Variants in PCOLCE2 observed in about 807,000 individuals in gnomAD.
PCOLCE2 encodes the protein procollagen C-proteinase enhancer 2.
Under a neutral mutation model 47.0 loss-of-function variants are expected in PCOLCE2, and 42 were observed. The ratio of observed to expected loss-of-function variants is 0.89; its 90% CI spans 0.70 to 1.16. The LOEUF (loss-of-function observed/expected upper bound fraction) is 1.16. Among genes scored for constraint, PCOLCE2 ranks in the 50% most tolerant of loss-of-function variants. The probability of loss-of-function intolerance (pLI) is 0.00; values close to 1 mark genes in which losing one functional copy is unlikely to be tolerated. For synonymous variants in PCOLCE2, 169 were observed against 191.7 expected, an observed-to-expected ratio of 0.88 and a Z score of 0.98; for missense variants, 500 against 526.1, an observed-to-expected ratio of 0.95 and a Z score of 0.49.
At chr3:142,869,116 C>G (rs1248351049) in intron 2 of PCOLCE2, among the ~76,000 whole-genome samples, 1 of 151,970 alleles carries the variant, frequency 6.6e-6, no homozygotes, top group African/African-American at 2.4e-5. Flanking sequence ...ACGGTGAAAC[C>G]CCATCTCTAC....
Position 142,869,341 on chromosome 3 carries a change from CT to C in PCOLCE2, c.192+18327del, listed in dbSNP as rs374773330. 4.4e-3 allele frequency among the ~76,000 whole-genome samples: 672 copies of C among 151,948 alleles called. 5 individuals carry two copies. The highest frequency in any genetic ancestry group is 0.015 in the African/African-American group (633 of 41,462). ...GACCTTAAGACTGACAAAACAGACT[CT>C]TTGTAGCAATAAGATATCAACATGA... On this transcript the variant is annotated intron_variant, in intron 2 of 8. Transcript: ENST00000295992.
intron 6 of PCOLCE2, 28 bp from the exon 7 acceptor site, chr3:142,823,643 C>T (rs200658466): frequency 1.2e-5 from 16 of 1,332,932 alleles, no homozygotes; most frequent in East Asian, 4.6e-5. Flanking sequence ...ATAAGTTTCA[C>T]GAAAAATGAA....
chr3:142,846,057 G>A (rs1018028673), intron 3 of PCOLCE2, among the ~76,000 whole-genome samples: 1 of 152,140 alleles, frequency 6.6e-6, no homozygotes, highest in Non-Finnish European at 1.5e-5. Flanking sequence ...CTCTTCTTCT[G>A]TATGGAATTT....
chr3:142,879,793 C>A (rs1246258200), intron 2 of PCOLCE2, among the ~76,000 whole-genome samples: 1 of 151,432 alleles, frequency 6.6e-6, no homozygotes, highest in Non-Finnish European at 1.5e-5. Context: ...CACGGTGAAA[C>A]CCCGCCTCTA....
intron 3 of PCOLCE2, among the ~76,000 whole-genome samples, chr3:142,845,054 ATCT>A (rs1254307491): frequency 2.0e-5 from 3 of 152,074 alleles, no homozygotes; most frequent in Non-Finnish European, 4.4e-5. Context: ...ATATTTATTG[ATCT>A]TCTTGGATTT....
At chr3:142,863,096 CAAAAAAAAAAA>C (rs35383176) in intron 2 of PCOLCE2, among the ~76,000 whole-genome samples, 3 of 85,992 alleles carry the variant, frequency 3.5e-5, no homozygotes, top group Non-Finnish European at 4.5e-5. Context: ...GTCTGGCAGG[CAAAAAAAAAAA>C]AAAAAAAAAA....
At chr3:142,834,078 T>C (rs1462897956) in intron 5 of PCOLCE2, among the ~76,000 whole-genome samples, 1 of 152,220 alleles carries the variant, frequency 6.6e-6, no homozygotes, top group East Asian at 1.9e-4. Context: ...GACTGATGGT[T>C]CTCTGTGACG....
chr3:142,879,787 G>A (rs762101489), intron 2 of PCOLCE2, among the ~76,000 whole-genome samples: 4 of 151,640 alleles, frequency 2.6e-5, no homozygotes, highest in Non-Finnish European at 5.9e-5. Context: ...GGCTAACACG[G>A]TGAAACCCCG....
chr3:142,833,020 C>T (rs1937167923), intron 5 of PCOLCE2, among the ~76,000 whole-genome samples: 1 of 152,222 alleles, frequency 6.6e-6, no homozygotes, highest in Admixed American at 6.5e-5. Flanking sequence ...GGCTGCCCCT[C>T]CTCCACCCTC....
At chr3:142,860,076 A>G (rs1309343459) in intron 2 of PCOLCE2, among the ~76,000 whole-genome samples, 3 of 152,250 alleles carry the variant, frequency 2.0e-5, no homozygotes, top group Non-Finnish European at 4.4e-5. Context: ...TGCATAGTTT[A>G]CAATATAAAA....
chr3:142,848,656 T>C lies in PCOLCE2; in HGVS notation c.193-184A>G, dbSNP rs191367407. On this transcript the variant is annotated intron_variant, in intron 2 of 8. Transcript: ENST00000295992. ...CATTCCTAAAAAATTTAAGTACTTA[T>C]TTTCTTTTGACAAATTCTGCAATTC... Among the ~76,000 whole-genome samples the C allele has an allele frequency of 2.0e-3, 311 of 152,314 alleles. 1 individual carries two copies. The highest frequency in any genetic ancestry group is 7.1e-3 in the African/African-American group (296 of 41,576).
intron 2 of PCOLCE2, among the ~76,000 whole-genome samples, chr3:142,849,580 G>T (rs749041462): frequency 6.6e-6 from 1 of 152,024 alleles, no homozygotes; most frequent in African/African-American, 2.4e-5. Flanking sequence ...GGATTCTCAG[G>T]TTACCAAAGC....
At chr3:142,888,452 A>C (rs951150338) in intron 1 of PCOLCE2, among the ~76,000 whole-genome samples, 3 of 152,220 alleles carry the variant, frequency 2.0e-5, no homozygotes, top group African/African-American at 7.2e-5. Context: ...GAAGGAAAAA[A>C]AACAGCGGTA....
chr3:142,863,111 A>G (rs1933213201), intron 2 of PCOLCE2, among the ~76,000 whole-genome samples: 1 of 151,588 alleles, frequency 6.6e-6, no homozygotes, highest in South Asian at 2.1e-4. Flanking sequence ...AAAAAAAAAA[A>G]AAAAAAAAGA....
intron 2 of PCOLCE2, among the ~76,000 whole-genome samples, chr3:142,854,994 T>C (rs1249814492): frequency 2.0e-5 from 3 of 152,210 alleles, no homozygotes; most frequent in African/African-American, 7.2e-5. Context: ...CATGCCACTT[T>C]TCTGTTCAAG....
At chr3:142,828,743 G>A (rs1297797628) in intron 6 of PCOLCE2, among the ~76,000 whole-genome samples, 1 of 152,216 alleles carries the variant, frequency 6.6e-6, no homozygotes, top group East Asian at 1.9e-4. Flanking sequence ...GTTGAGGATG[G>A]AGATAAAAGC....
intron 2 of PCOLCE2, among the ~76,000 whole-genome samples, chr3:142,852,998 T>C (rs1287466587): frequency 6.6e-6 from 1 of 150,812 alleles, no homozygotes; most frequent in Non-Finnish European, 1.5e-5. Flanking sequence ...CCCAGCTACT[T>C]AGGAGGCTGA....
At chr3:142,838,632 G>A in intron 5 of PCOLCE2, 138 bp downstream of exon 5, 1 of 723,530 alleles carries the variant, frequency 1.4e-6, no homozygotes, top group South Asian at 1.9e-5. Flanking sequence ...AGCAGTGCGA[G>A]AACTAATAGA....
chr3:142,827,777 C>T (rs1937100974), intron 6 of PCOLCE2: 6 of 634,358 alleles, frequency 9.5e-6, no homozygotes, highest in African/African-American at 3.7e-5. Flanking sequence ...TCTGGGGACC[C>T]GTGTACCCCT....
Sources: allele counts gnomAD v4.1 joint callset (sites outside exome capture counted in the v4.1 genomes callset), GRCh38; gene constraint gnomAD v4.1.1; transcripts MANE v1.5; gene names NCBI Gene and HGNC (gene_info 2026-07-23, HGNC 2026-07-21).